TMTC1: variants seen among roughly 807,000 people sequenced by gnomAD.
TMTC1 encodes transmembrane O-mannosyltransferase targeting cadherins 1.
TMTC1 carries 73 observed loss-of-function variants against 104.8 expected under a neutral mutation model. That is an observed-to-expected ratio of 0.70 (90% CI 0.58 to 0.85). The LOEUF (loss-of-function observed/expected upper bound fraction) is 0.85. Among genes scored for constraint, TMTC1 ranks in the 40% least tolerant of loss-of-function variants. The pLI is 0.00. For synonymous variants in TMTC1, 434 were observed against 428.7 expected, an observed-to-expected ratio of 1.01 and a Z score of -0.15; for missense variants, 1,035 against 1,096.1, an observed-to-expected ratio of 0.94 and a Z score of 0.79.
chr12:29,620,231 G>A (rs1157417392), intron 6 of TMTC1, among the ~76,000 whole-genome samples: 1 of 152,156 alleles, frequency 6.6e-6, no homozygotes, highest in Admixed American at 6.5e-5. Context: ...TCCAACCACA[G>A]TTGGTGCAGG....
intron 5 of TMTC1, among the ~76,000 whole-genome samples, chr12:29,700,536 T>A (rs1301623149): frequency 2.6e-5 from 4 of 152,122 alleles, no homozygotes; most frequent in African/African-American, 9.7e-5. Flanking sequence ...AAGATCCAAC[T>A]TGCCCCTCAC....
rs140673637 is a variant in TMTC1 at position 29,670,382 on chromosome 12, C to T, written c.939-37046G>A. On this transcript the variant is annotated intron_variant, in intron 5 of 17. Coordinates refer to ENST00000539277, the MANE Select transcript of TMTC1 (RefSeq NM_001193451.2). ...TAATCCTTAGCACATTCCTGTCAGA[C>T]GGGCACTATTAATATCTTAATGTTG... is the stretch of plus-strand genomic sequence containing the variant. Among the ~76,000 whole-genome samples the T allele has an allele frequency of 3.8e-3, 574 of 152,228 alleles. 5 individuals are homozygous for T. Among genetic ancestry groups the T allele is most frequent in the African/African-American group, 0.013 (539 of 41,542 alleles).
chr12:29,655,081 A>G (rs1419958997), intron 5 of TMTC1, among the ~76,000 whole-genome samples: 3 of 152,024 alleles, frequency 2.0e-5, no homozygotes, highest in African/African-American at 7.2e-5. Flanking sequence ...ATGGGGTTTT[A>G]CCATGTTGGC....
intron 6 of TMTC1, among the ~76,000 whole-genome samples, chr12:29,625,018 G>C (rs1409301562): frequency 5.3e-5 from 8 of 152,036 alleles, no homozygotes; most frequent in Non-Finnish European, 5.9e-5. Context: ...GTAATATATA[G>C]CTTCACTATC....
chr12:29,732,838 A>G lies in TMTC1; in HGVS notation c.938+18828T>C, dbSNP rs113067619. ...GGAGGCCACTCCCCACATCCCCTTTATGCAGGCTTCTCATGCCATTTAAAG... is the reference window on the plus strand; with the variant it reads ...GGAGGCCACTCCCCACATCCCCTTTGTGCAGGCTTCTCATGCCATTTAAAG... On this transcript the variant is annotated intron_variant, in intron 5 of 17. Coordinates refer to ENST00000539277, the MANE Select transcript of TMTC1 (RefSeq NM_001193451.2). Among the ~76,000 whole-genome samples the G allele has an allele frequency of 2.0e-4, 30 of 152,228 alleles. 3 individuals carry two copies. Among genetic ancestry groups the G allele is most frequent in the African/African-American group, 7.2e-4 (30 of 41,550 alleles).
At chr12:29,760,467 G>C (rs953661324) in intron 2 of TMTC1, among the ~76,000 whole-genome samples, 6 of 152,094 alleles carry the variant, frequency 3.9e-5, no homozygotes, top group Non-Finnish European at 5.9e-5. Context: ...GAGGTGCAAA[G>C]TATTAGTAGG....
intron 5 of TMTC1, among the ~76,000 whole-genome samples, chr12:29,634,436 T>C (rs1178839786): frequency 1.3e-5 from 2 of 152,152 alleles, no homozygotes; most frequent in Non-Finnish European, 2.9e-5. Flanking sequence ...CAATGCTCTG[T>C]AAGTCTTCAC....
At chr12:29,743,518 A>G (rs1387475316) in intron 5 of TMTC1, among the ~76,000 whole-genome samples, 1 of 149,368 alleles carries the variant, frequency 6.7e-6, no homozygotes, top group African/African-American at 2.5e-5. Flanking sequence ...TCAATTTTTG[A>G]AAAAAAAAAA....
rs752440948 is a variant in TMTC1 at position 29,518,572 on chromosome 12, C to T, written c.1924G>A (p.Ala642Thr). The T allele has an allele frequency of 3.7e-6, 6 of 1,613,976 alleles. No individual in the cohort carries two copies. The South Asian group carries it at 5.5e-5, about 15-fold the overall frequency. Reference protein sequence around the residue: ...PEKAVAHYQQAIKLSPSHHVA... With the variant: ...PEKAVAHYQQTIKLSPSHHVA... ...TGATGACTGGGGCTAAGTTTGATGG[C>T]CTGCTGGTAATGGGCCACTGCCTTT... The change falls in exon 13 of 18, where the codon GCC (alanine) becomes ACC (threonine). Residue 642 changes from alanine (A) to threonine (T), a missense_variant. Physicochemically the swap from Ala to Thr is moderately conservative, Grantham distance 58 (BLOSUM62 0). Coordinates refer to ENST00000539277, the MANE Select transcript of TMTC1 (RefSeq NM_001193451.2).
chr12:29,772,307 A>G (rs1214012573), intron 1 of TMTC1, among the ~76,000 whole-genome samples: 3 of 152,176 alleles, frequency 2.0e-5, no homozygotes. Context: ...AGTCTCTACC[A>G]ATTCCTATCA....
chr12:29,690,686 T>C (rs1189796404), intron 5 of TMTC1, among the ~76,000 whole-genome samples: 1 of 152,226 alleles, frequency 6.6e-6, no homozygotes, highest in Non-Finnish European at 1.5e-5. Flanking sequence ...GAATTAAACA[T>C]TGACAAATAT....
intron 9 of TMTC1, among the ~76,000 whole-genome samples, chr12:29,569,855 T>C (rs947810285): frequency 1.3e-5 from 2 of 152,232 alleles, no homozygotes; most frequent in African/African-American, 4.8e-5. Flanking sequence ...TCCCCATGTC[T>C]CAAGGGACAT....
intron 5 of TMTC1, among the ~76,000 whole-genome samples, chr12:29,643,589 A>T (rs534310419): frequency 3.0e-5 from 2 of 66,956 alleles, no homozygotes; most frequent in Non-Finnish European, 5.3e-5. Flanking sequence ...GTCATATATA[A>T]ATATATATTA....
At chr12:29,520,931 A>G in intron 11 of TMTC1, 1 of 510,864 alleles carries the variant, frequency 2.0e-6, no homozygotes, top group South Asian at 2.5e-5. Context: ...ATCTGTATTT[A>G]GTTCCCTTAG....
chr12:29,740,906 G>A (rs2136943124), intron 5 of TMTC1, among the ~76,000 whole-genome samples: 1 of 152,282 alleles, frequency 6.6e-6, no homozygotes. Flanking sequence ...CAGAAACCGT[G>A]TTCAACACAT....
chr12:29,631,581 C>T (rs1490087901), intron 6 of TMTC1, among the ~76,000 whole-genome samples: 1 of 152,100 alleles, frequency 6.6e-6, no homozygotes, highest in African/African-American at 2.4e-5. Context: ...CAATTCTATT[C>T]CATTTCCTAT....
intron 11 of TMTC1, among the ~76,000 whole-genome samples, chr12:29,527,982 TA>T (rs1369660701): frequency 6.6e-6 from 1 of 152,206 alleles, no homozygotes; most frequent in Non-Finnish European, 1.5e-5. Context: ...AAAAGGTCTT[TA>T]AGATCTGTCT....
chr12:29,683,190 G>A lies in TMTC1; in HGVS notation c.939-49854C>T, dbSNP rs59511484. 1.0e-2 allele frequency among the ~76,000 whole-genome samples: 1,521 copies of A among 152,112 alleles called. 32 individuals carry two copies. Among genetic ancestry groups the A allele is most frequent in the African/African-American group, 0.035 (1,440 of 41,480 alleles). On this transcript the variant is annotated intron_variant, in intron 5 of 17. Coordinates refer to ENST00000539277, the MANE Select transcript of TMTC1 (RefSeq NM_001193451.2). ...GCAGCTGGAGATGGTTACCCTTGTC[G>A]GCAAATGAATTACCAGAACTCCTGG...
intron 4 of TMTC1, among the ~76,000 whole-genome samples, chr12:29,754,217 C>G (rs1299150011): frequency 6.7e-6 from 1 of 149,860 alleles, no homozygotes; most frequent in Admixed American, 6.6e-5. Context: ...AGCTGCGGGA[C>G]TTGTATCAGC....
Sources: allele counts gnomAD v4.1 joint callset (sites outside exome capture counted in the v4.1 genomes callset), GRCh38; gene constraint gnomAD v4.1.1; transcripts MANE v1.5; gene names NCBI Gene and HGNC (gene_info 2026-07-23, HGNC 2026-07-21).